Variants in ZNF423 observed in about 807,000 individuals in gnomAD.
ZNF423 encodes the protein Ebf-associated zinc finger protein.
ZNF423 carries 12 observed loss-of-function variants against 95.8 expected under a neutral mutation model. The ratio of observed to expected loss-of-function variants is 0.13; its 90% CI spans 0.08 to 0.20. The LOEUF is 0.20. Among genes scored for constraint, ZNF423 ranks in the 10% least tolerant of loss-of-function variants. ZNF423 has a pLI of 1.00. For missense variants in ZNF423, 1,316 were observed against 1,737.1 expected, an observed-to-expected ratio of 0.76 and a Z score of 4.31; for synonymous variants, 749 against 711.9, an observed-to-expected ratio of 1.05 and a Z score of -0.83.
intron 1 of ZNF423, chr16:49,854,968 G>C: frequency 1.0e-6 from 1 of 984,922 alleles, no homozygotes; most frequent in South Asian, 4.7e-5. Context: ...CAGATCCGGG[G>C]CGCCCTCCGC....
chr16:49,639,217 C>T (rs994416692), intron 3 of ZNF423, among the ~76,000 whole-genome samples: 5 of 152,204 alleles, frequency 3.3e-5, no homozygotes, highest in Admixed American at 1.3e-4. Context: ...TCACTGGAAA[C>T]GAACTCACAG....
Position 49,492,257 on chromosome 16 carries a change from G to A in ZNF423, c.3850-953C>T, listed in dbSNP as rs145010530. On this transcript the variant is annotated intron_variant, in intron 7 of 7. Transcript: ENST00000563137. The surrounding 1 kb of genome is among the most constrained non-coding windows in gnomAD (Gnocchi z 4.2). ...TCCACCTCATGACACCTGGAGAAAG[G>A]AGGCAACATCCACCAGGTGTAGGGT... Among the ~76,000 whole-genome samples the A allele has an allele frequency of 5.0e-3, 767 of 152,234 alleles. 2 individuals are homozygous for A. The highest frequency in any genetic ancestry group is 6.0e-3 in the Non-Finnish European group (406 of 68,016).
At chr16:49,543,967 A>G (rs1165195821) in intron 5 of ZNF423, among the ~76,000 whole-genome samples, 1 of 152,220 alleles carries the variant, frequency 6.6e-6, no homozygotes. Context: ...TAAAGCACTG[A>G]GTAGAGTGGG....
chr16:49,837,610 C>G (rs904135685), intron 1 of ZNF423, among the ~76,000 whole-genome samples: 3 of 152,210 alleles, frequency 2.0e-5, no homozygotes, highest in Admixed American at 2.0e-4. Flanking sequence ...TCCTTCATCC[C>G]TGCTCCAGCC....
At chr16:49,728,096 C>T (rs2033073835) in intron 3 of ZNF423, among the ~76,000 whole-genome samples, 1 of 152,184 alleles carries the variant, frequency 6.6e-6, no homozygotes, top group African/African-American at 2.4e-5. Context: ...ACTTCCTACA[C>T]CCCAAACACA....
chr16:49,676,719 G>GCT (rs2151931386), intron 3 of ZNF423, among the ~76,000 whole-genome samples: 1 of 152,342 alleles, frequency 6.6e-6, no homozygotes, highest in Non-Finnish European at 1.5e-5. Context: ...GGACAGCTGT[G>GCT]CTGGGCACCT....
intron 2 of ZNF423, among the ~76,000 whole-genome samples, chr16:49,733,675 G>A (rs537391344): frequency 1.7e-4 from 26 of 152,288 alleles, no homozygotes; most frequent in African/African-American, 5.5e-4. Context: ...ACACAAAGGC[G>A]CGGACCTCAT....
intron 1 of ZNF423, chr16:49,854,158 C>T: frequency 1.0e-6 from 1 of 985,394 alleles, no homozygotes; most frequent in Non-Finnish European, 1.2e-6. Flanking sequence ...CCCTCTGAAC[C>T]CCCAGTTCTG....
intron 3 of ZNF423, among the ~76,000 whole-genome samples, chr16:49,663,799 G>A (rs750335637): frequency 6.6e-6 from 1 of 152,186 alleles, no homozygotes; most frequent in African/African-American, 2.4e-5. Context: ...AGGAGTCAGG[G>A]TGCACCCCAG....
chr16:49,498,180 T>C (rs956567991), intron 7 of ZNF423, among the ~76,000 whole-genome samples: 1 of 152,202 alleles, frequency 6.6e-6, no homozygotes, highest in Non-Finnish European at 1.5e-5. Context: ...TCCACCCATA[T>C]TAGCTCATTT....
upstream of ZNF423, chr16:49,856,113 CAAAAAAAAAAAAAAAAA>C (rs1179159400): frequency 1.5e-3 from 4 of 2,678 alleles, no homozygotes; most frequent in African/African-American, 6.5e-3. Context: ...CCGAGTTATG[CAAAAAAAAAAAAAAAAA>C]AAAAAAAAAA....
At chr16:49,722,399 A>G (rs1363938009) in intron 3 of ZNF423, among the ~76,000 whole-genome samples, 1 of 152,176 alleles carries the variant, frequency 6.6e-6, no homozygotes, top group Non-Finnish European at 1.5e-5. Flanking sequence ...TTTAAAGACC[A>G]CCACAGCACT....
chr16:49,650,775 C>T (rs186837674), intron 3 of ZNF423, among the ~76,000 whole-genome samples: 12 of 152,330 alleles, frequency 7.9e-5, no homozygotes, highest in Admixed American at 7.8e-4. Flanking sequence ...CACATCCTGA[C>T]ATCACAAAGT....
chr16:49,553,277 G>C (rs2151756524), intron 5 of ZNF423, among the ~76,000 whole-genome samples: 2 of 152,172 alleles, frequency 1.3e-5, no homozygotes, highest in South Asian at 4.1e-4. Flanking sequence ...AATTACGACA[G>C]TTTCAATATT....
At chr16:49,815,884 ATATAT>A (rs2034837290) in intron 1 of ZNF423, among the ~76,000 whole-genome samples, 1 of 39,754 alleles carries the variant, frequency 2.5e-5, no homozygotes, top group Non-Finnish European at 4.3e-5. Context: ...AAAAAAAAAT[ATATAT>A]ATATATATAT....
chr16:49,525,862 A>T (rs112421753), intron 5 of ZNF423, among the ~76,000 whole-genome samples: 14 of 152,356 alleles, frequency 9.2e-5, no homozygotes, highest in South Asian at 8.3e-4. Flanking sequence ...CCAGGATTTT[A>T]AAAAATCCAA....
chr16:49,800,575 GACAC>G (rs71138006), intron 1 of ZNF423, among the ~76,000 whole-genome samples: 48 of 149,758 alleles, frequency 3.2e-4, no homozygotes, highest in Non-Finnish European at 4.9e-4. Context: ...ACCTGGACAT[GACAC>G]ACACACACAC....
chr16:49,581,834 T>C (rs946580758), intron 5 of ZNF423, among the ~76,000 whole-genome samples: 4 of 152,228 alleles, frequency 2.6e-5, no homozygotes, highest in Admixed American at 2.0e-4. Flanking sequence ...AAATGCGATC[T>C]GGCAGACAGG....
At chr16:49,632,626 C>T (rs910266499) in intron 4 of ZNF423, among the ~76,000 whole-genome samples, 14 of 152,156 alleles carry the variant, frequency 9.2e-5, no homozygotes, top group African/African-American at 3.4e-4. Flanking sequence ...TGCACAGCCG[C>T]GCACAGCTGT....
Sources: gnomAD v4.1 joint callset for allele counts (sites outside exome capture counted in the v4.1 genomes callset) on GRCh38, gnomAD v4.1.1 for gene constraint, Gnocchi (gnomAD v3.1) non-coding constraint, MANE v1.5 for transcripts, NCBI Gene and HGNC (gene_info 2026-07-23, HGNC 2026-07-21) for gene names.